CERK: variants seen among roughly 807,000 people sequenced by gnomAD.
CERK encodes acylsphingosine kinase.
A neutral mutation model predicts 63.4 loss-of-function variants in CERK; 39 were observed. The ratio of observed to expected loss-of-function variants is 0.61; its 90% CI spans 0.48 to 0.80. CERK has a LOEUF of 0.80. Among genes scored for constraint, CERK ranks in the 30% least tolerant of loss-of-function variants. The pLI, the probability that CERK is intolerant of heterozygous loss-of-function variation, is 0.00. For synonymous variants in CERK, 302 were observed against 280.0 expected, an observed-to-expected ratio of 1.08 and a Z score of -0.78; for missense variants, 670 against 714.1, an observed-to-expected ratio of 0.94 and a Z score of 0.70.
intron 3 of CERK, among the ~76,000 whole-genome samples, chr22:46,715,649 G>A (rs1423905688): frequency 1.3e-5 from 2 of 152,110 alleles, no homozygotes; most frequent in Admixed American, 6.5e-5. Flanking sequence ...TCGCATAGCT[G>A]CACTGCAGCC....
intron 3 of CERK, 118 bp downstream of exon 3, chr22:46,719,968 T>G: frequency 7.3e-7 from 1 of 1,361,416 alleles, no homozygotes; most frequent in South Asian, 1.3e-5. Context: ...TGACTCATCA[T>G]GTCCACCTGG....
At position 46,736,429 on chromosome 22, in the gene CERK, C is replaced by T. The variant is rs534629518; in HGVS notation, c.142+1578G>A. 2.0e-5 allele frequency among the ~76,000 whole-genome samples: 3 copies of T among 152,356 alleles called. No individual in the cohort carries two copies. In the South Asian group the frequency reaches 6.2e-4, roughly 32 times the overall value. On this transcript the variant is annotated intron_variant, in intron 1 of 12. Coordinates refer to ENST00000216264, the MANE Select transcript of CERK (RefSeq NM_022766.6). Reference sequence around the variant, plus strand: ...CCAGTCACTTCCAGCCCCTGCAGATCGGCCCCTGCATCCCTAGGACGGGAG... The same window carrying T: ...CCAGTCACTTCCAGCCCCTGCAGATTGGCCCCTGCATCCCTAGGACGGGAG...
chr22:46,706,642 C>T (rs1487663028), intron 6 of CERK, among the ~76,000 whole-genome samples: 5 of 152,174 alleles, frequency 3.3e-5, no homozygotes, highest in Non-Finnish European at 7.3e-5. Context: ...AACTGCATCA[C>T]GCCTTCCCTA....
At chr22:46,701,003 T>C (rs1411787975) in intron 7 of CERK, among the ~76,000 whole-genome samples, 1 of 148,474 alleles carries the variant, frequency 6.7e-6, no homozygotes, top group South Asian at 2.1e-4. Context: ...ACTGGGAAAC[T>C]CCATCTCAAA....
At chr22:46,701,517 AC>A in intron 7 of CERK, 118 bp downstream of exon 7, 1 of 788,316 alleles carries the variant, frequency 1.3e-6, no homozygotes, top group Non-Finnish European at 2.0e-6. Context: ...ACACAGCGTG[AC>A]CCACGGCCAG....
At chr22:46,734,664 G>C (rs760864214) in intron 1 of CERK, among the ~76,000 whole-genome samples, 1 of 152,110 alleles carries the variant, frequency 6.6e-6, no homozygotes, top group Non-Finnish European at 1.5e-5. Flanking sequence ...TGATAAAATC[G>C]ATTTTTAAAA....
chr22:46,703,679 G>A (rs921345018), intron 6 of CERK, among the ~76,000 whole-genome samples: 5 of 152,128 alleles, frequency 3.3e-5, no homozygotes, highest in East Asian at 1.9e-4. Flanking sequence ...CCCATGCAGC[G>A]CCCTTACCGT....
chr22:46,701,849 C>T lies in CERK; in HGVS notation c.716-139G>A, dbSNP rs1035314139. Reference sequence around the variant, plus strand: ...CTAAGGAATAAATAGAATTTACCTACAAAATGAATATAGAAAATACTAGCG... The same window carrying T: ...CTAAGGAATAAATAGAATTTACCTATAAAATGAATATAGAAAATACTAGCG... On this transcript the variant is annotated intron_variant, in intron 6 of 12. Coordinates refer to ENST00000216264, the MANE Select transcript of CERK (RefSeq NM_022766.6). The T allele has an allele frequency of 1.1e-5, 7 of 621,624 alleles. No individual in the cohort carries two copies. In the African/African-American group the frequency reaches 1.3e-4, roughly 12 times the overall value. The allele number at this position is 621,624 out of a possible 1,614,324, so 38.5% of individuals were successfully genotyped here.
At chr22:46,729,612 A>G (rs2082935798) in intron 1 of CERK, among the ~76,000 whole-genome samples, 1 of 152,154 alleles carries the variant, frequency 6.6e-6, no homozygotes, top group African/African-American at 2.4e-5. Context: ...AAAATAATGT[A>G]CCAAATATCC....
chr22:46,719,148 T>TTGTGTGTGTGTGTGTG (rs10583580), intron 3 of CERK, among the ~76,000 whole-genome samples: 174 of 149,998 alleles, frequency 1.2e-3, no homozygotes, highest in African/African-American at 4.0e-3. Context: ...ACCTACCACT[T>TTGTGTGTGTGTGTGTG]TGTGTGTGTG....
At chr22:46,730,531 G>A (rs769036986) in intron 1 of CERK, among the ~76,000 whole-genome samples, 21 of 152,300 alleles carry the variant, frequency 1.4e-4, no homozygotes, top group Middle Eastern at 3.4e-3. Context: ...GATAGGCTTA[G>A]CAGCAGAATG....
intron 9 of CERK, among the ~76,000 whole-genome samples, chr22:46,694,809 G>T (rs1199776422): frequency 6.6e-6 from 1 of 152,202 alleles, no homozygotes; most frequent in African/African-American, 2.4e-5. Flanking sequence ...CAACGGTCCT[G>T]CCACCAGTGC....
At chr22:46,699,504 T>C (rs186764519) in intron 7 of CERK, 39 bp from the exon 8 acceptor site, 1 of 1,606,850 alleles carries the variant, frequency 6.2e-7, no homozygotes, top group Middle Eastern at 1.7e-4. Flanking sequence ...GCAGCCCCCC[T>C]CCAGCCCCGC....
intron 11 of CERK, 68 bp from the exon 12 acceptor site, chr22:46,690,268 CCCCAGGCCTGACAGCGAGCGCTGTCAGG>C: frequency 7.5e-7 from 1 of 1,334,344 alleles, no homozygotes; most frequent in Non-Finnish European, 1.0e-6. Context: ...CAGCAGAACA[CCCCAGGCCTGACAGCGAGCGCTGTCAGG>C]CCTGGGTGCA....
chr22:46,707,175 G>A (rs2082816994), intron 6 of CERK, among the ~76,000 whole-genome samples: 1 of 149,372 alleles, frequency 6.7e-6, no homozygotes, highest in African/African-American at 2.5e-5. Context: ...TGTGCACCAT[G>A]CCGCCACCCT....
At chr22:46,734,156 AAGGGTC>A (rs1165476559) in intron 1 of CERK, among the ~76,000 whole-genome samples, 93 of 151,922 alleles carry the variant, frequency 6.1e-4, no homozygotes, top group African/African-American at 2.2e-3. Flanking sequence ...ATAGCCCCTA[AAGGGTC>A]AGGGTGTCTT....
At chr22:46,732,585 CTTTTT>C (rs60804134) in intron 1 of CERK, among the ~76,000 whole-genome samples, 1 of 141,658 alleles carries the variant, frequency 7.1e-6, no homozygotes, top group Non-Finnish European at 1.5e-5. Flanking sequence ...AAGGATATCA[CTTTTT>C]TTTTTTTTTT....
chr22:46,691,830 G>A (rs1454563269), intron 10 of CERK, 53 bp from the exon 11 acceptor site: 28 of 1,515,282 alleles, frequency 1.8e-5, no homozygotes, highest in Middle Eastern at 2.3e-4. Flanking sequence ...GCCGGGCAGC[G>A]CCCTGCACCA....
At position 46,720,792 on chromosome 22, in the gene CERK, A is replaced by C. The variant is rs913846051; in HGVS notation, c.256+110T>G. On this transcript the variant is annotated intron_variant, in intron 2 of 12. Coordinates refer to ENST00000216264, the MANE Select transcript of CERK (RefSeq NM_022766.6). ...GGGAAAAAAATAGGAAGATTTCATA[A>C]AGATAAACCAATGCATTGAGCTTGT... 32 of 641,702 alleles carry C rather than the reference A, an allele frequency of 5.0e-5. 1 individual carries two copies. Among genetic ancestry groups the C allele is most frequent in the Non-Finnish European group, 7.8e-5 (28 of 357,970 alleles). The allele number at this position is 641,702 out of a possible 1,614,324, so 39.8% of individuals were successfully genotyped here.
Sources: allele counts gnomAD v4.1 joint callset (sites outside exome capture counted in the v4.1 genomes callset), GRCh38; gene constraint gnomAD v4.1.1; transcripts MANE v1.5; gene names NCBI Gene and HGNC (gene_info 2026-07-23, HGNC 2026-07-21).